Variants in NHSL1 observed in about 807,000 individuals in gnomAD.
NHSL1 encodes NHS-like protein 1.
NHSL1 carries 48 observed loss-of-function variants against 95.0 expected under a neutral mutation model. The observed-to-expected ratio is 0.51, with a 90% confidence interval of 0.40 to 0.64. The LOEUF (loss-of-function observed/expected upper bound fraction) is 0.64. Among genes scored for constraint, NHSL1 ranks in the 30% least tolerant of loss-of-function variants. NHSL1 has a pLI of 0.00. For synonymous variants in NHSL1, 783 were observed against 833.9 expected (o/e 0.94, Z 1.05); for missense variants, 1,971 against 2,077.7 (o/e 0.95, Z 1.00).
intron 1 of NHSL1, among the ~76,000 whole-genome samples, chr6:138,529,379 C>G (rs534817414): frequency 6.6e-6 from 1 of 152,316 alleles, no homozygotes; most frequent in Non-Finnish European, 1.5e-5. Flanking sequence ...GTTTTAATGA[C>G]GTAGTAGTTT....
chr6:138,679,594 A>G (rs927768721), intron 1 of NHSL1, among the ~76,000 whole-genome samples: 4 of 152,232 alleles, frequency 2.6e-5, no homozygotes, highest in African/African-American at 4.8e-5. Flanking sequence ...AAAGGTTCAC[A>G]AATAATTAAA....
At chr6:138,669,164 C>T (rs1043715758) in intron 1 of NHSL1, among the ~76,000 whole-genome samples, 2 of 152,038 alleles carry the variant, frequency 1.3e-5, no homozygotes, top group Non-Finnish European at 2.9e-5. Context: ...TAGGAAAACA[C>T]ACACATAGAA....
intron 1 of NHSL1, among the ~76,000 whole-genome samples, chr6:138,647,407 A>G (rs980614632): frequency 6.6e-6 from 1 of 152,198 alleles, no homozygotes; most frequent in Non-Finnish European, 1.5e-5. Context: ...GTGTACTTTG[A>G]GGAATAATTA....
upstream of NHSL1, among the ~76,000 whole-genome samples, chr6:138,576,078 G>A (rs557106620): frequency 6.6e-6 from 1 of 152,002 alleles, no homozygotes; most frequent in South Asian, 2.1e-4. Flanking sequence ...TGCAACCTTC[G>A]CCTCCCGGGT....
At position 138,473,385 on chromosome 6, in the gene NHSL1, G is replaced by C; in HGVS notation, c.260C>G (p.Ser87Cys). ...GTTGGCCGCAAAGGTGGGTCCCTGA[G>C]AGTAGTACTGAGAACTGCGGTAGCC... ...HDGYRSSQYY[S>C]QGPTFAANAS... Residue 87 changes from serine (S) to cysteine (C), a missense_variant, in exon 3 of 8, where the codon TCT (serine) becomes TGT (cysteine). Physicochemically the swap from Ser to Cys is moderately radical, Grantham distance 112 (BLOSUM62 -1). Coordinates refer to ENST00000343505, the MANE Select transcript of NHSL1 (RefSeq NM_001144060.2). The C allele has an allele frequency of 1.3e-6, 2 of 1,546,380 alleles. No individual in the cohort carries two copies. Among genetic ancestry groups the C allele is most frequent in the Non-Finnish European group, 1.7e-6 (2 of 1,144,918 alleles).
At chr6:138,508,931 T>TC (rs1432655170) in intron 1 of NHSL1, among the ~76,000 whole-genome samples, 1 of 152,204 alleles carries the variant, frequency 6.6e-6, no homozygotes, top group East Asian at 1.9e-4. Flanking sequence ...CCCTAATCCA[T>TC]CTACCCAAGT....
At chr6:138,545,318 T>C (rs538496950) in intron 1 of NHSL1, among the ~76,000 whole-genome samples, 9 of 152,280 alleles carry the variant, frequency 5.9e-5, no homozygotes, top group African/African-American at 2.2e-4. Context: ...CTATATTTAT[T>C]GAGTTGATTT....
At chr6:138,662,664 T>G (rs940402372) in intron 1 of NHSL1, among the ~76,000 whole-genome samples, 2 of 152,206 alleles carry the variant, frequency 1.3e-5, no homozygotes, top group Non-Finnish European at 2.9e-5. Flanking sequence ...GCTACTCATA[T>G]TTTGGATGCT....
At chr6:138,614,844 G>C (rs1784557881) in intron 1 of NHSL1, among the ~76,000 whole-genome samples, 1 of 152,190 alleles carries the variant, frequency 6.6e-6, no homozygotes, top group Non-Finnish European at 1.5e-5. Flanking sequence ...GAGGGATCTA[G>C]GTTGAATGCT....
chr6:138,557,116 C>T (rs778273615), intron 1 of NHSL1, among the ~76,000 whole-genome samples: 3 of 152,190 alleles, frequency 2.0e-5, no homozygotes, highest in Non-Finnish European at 4.4e-5. Flanking sequence ...ACAGAAAACA[C>T]TGGGATGGCC....
intron 1 of NHSL1, among the ~76,000 whole-genome samples, chr6:138,609,749 CAAAA>C (rs10687521): frequency 9.4e-6 from 1 of 106,244 alleles, no homozygotes; most frequent in Non-Finnish European, 1.9e-5. Flanking sequence ...GACTCTGTCT[CAAAA>C]AAAAAAAAAA....
At chr6:138,493,279 G>A (rs989506154) in intron 2 of NHSL1, among the ~76,000 whole-genome samples, 2 of 152,140 alleles carry the variant, frequency 1.3e-5, no homozygotes, top group African/African-American at 4.8e-5. Flanking sequence ...TTTATTAATA[G>A]TAAATCCCTT....
intron 1 of NHSL1, among the ~76,000 whole-genome samples, chr6:138,518,653 T>C (rs1781550927): frequency 6.6e-6 from 1 of 152,168 alleles, no homozygotes; most frequent in Non-Finnish European, 1.5e-5. Context: ...CTTCACTACA[T>C]ACTACGTTCT....
intron 1 of NHSL1, among the ~76,000 whole-genome samples, chr6:138,538,735 A>C (rs1782462978): frequency 6.6e-6 from 1 of 152,236 alleles, no homozygotes; most frequent in Non-Finnish European, 1.5e-5. Context: ...TTTTGCTCTC[A>C]AATGCTGTCT....
At chr6:138,451,480 G>T (rs1205388968) in intron 3 of NHSL1, among the ~76,000 whole-genome samples, 1 of 151,418 alleles carries the variant, frequency 6.6e-6, no homozygotes, top group Non-Finnish European at 1.5e-5. Context: ...TATATATATT[G>T]TCTCTCCGAC....
intron 3 of NHSL1, among the ~76,000 whole-genome samples, chr6:138,460,389 A>G (rs1398979538): frequency 6.6e-6 from 1 of 152,130 alleles, no homozygotes; most frequent in Non-Finnish European, 1.5e-5. Context: ...GGGGTTCTGT[A>G]TCTGTGCATT....
intron 3 of NHSL1, among the ~76,000 whole-genome samples, chr6:138,467,081 T>C (rs888733404): frequency 1.3e-5 from 2 of 152,164 alleles, no homozygotes; most frequent in African/African-American, 2.4e-5. Flanking sequence ...TCATACTTGA[T>C]AATGATAACA....
chr6:138,484,494 A>G (rs1779606828), intron 2 of NHSL1, among the ~76,000 whole-genome samples: 1 of 152,222 alleles, frequency 6.6e-6, no homozygotes. Context: ...GAAGAACCAC[A>G]GAGGGAAAAT....
At chr6:138,623,422 T>C (rs910051327) in intron 1 of NHSL1, among the ~76,000 whole-genome samples, 1 of 152,228 alleles carries the variant, frequency 6.6e-6, no homozygotes, top group African/African-American at 2.4e-5. Flanking sequence ...AAAAGTTATA[T>C]ATATTTATGG....
Sources: gnomAD v4.1 joint callset for allele counts (sites outside exome capture counted in the v4.1 genomes callset) on GRCh38, gnomAD v4.1.1 for gene constraint, MANE v1.5 for transcripts, NCBI Gene and HGNC (gene_info 2026-07-23, HGNC 2026-07-21) for gene names.